Variants in ZNF831 observed in about 807,000 individuals in gnomAD.
ZNF831 encodes the protein zinc finger protein 831, also known as chromosome 20 open reading frame 174.
ZNF831 carries 59 observed loss-of-function variants against 95.8 expected under a neutral mutation model. The observed-to-expected ratio is 0.62, with a 90% CI of 0.50 to 0.77. The LOEUF (loss-of-function observed/expected upper bound fraction) is 0.77. Among genes scored for constraint, ZNF831 ranks in the 30% least tolerant of loss-of-function variants. The pLI is 0.00. For missense variants in ZNF831, 2,205 were observed against 2,164.0 expected, an observed-to-expected ratio of 1.02 and a Z score of -0.38; for synonymous variants, 961 against 925.5, an observed-to-expected ratio of 1.04 and a Z score of -0.70.
chr20:59,253,437 G>GC (rs1028301560), intron 5 of ZNF831, among the ~76,000 whole-genome samples: 8 of 151,974 alleles, frequency 5.3e-5, no homozygotes, highest in African/African-American at 1.7e-4. Flanking sequence ...GCAACATGAA[G>GC]CCCCCCCAGA....
At chr20:59,138,989 A>G (rs1347520478) in intron 1 of ZNF831, among the ~76,000 whole-genome samples, 1 of 150,178 alleles carries the variant, frequency 6.7e-6, no homozygotes, top group Non-Finnish European at 1.5e-5. Context: ...CCCCAGAGCC[A>G]CTTTCAATTC....
chr20:59,185,544 C>T (rs1487309089), intron 1 of ZNF831, among the ~76,000 whole-genome samples: 5 of 152,078 alleles, frequency 3.3e-5, no homozygotes, highest in Non-Finnish European at 7.3e-5. Context: ...ACTGAGACAC[C>T]CCTCGGGTGA....
At position 59,191,621 on chromosome 20, in the gene ZNF831, G is replaced by T. The variant is rs2146550722; in HGVS notation, c.602G>T (p.Arg201Leu). 1.3e-6 allele frequency: 2 copies of T among 1,586,864 alleles called. No homozygotes were observed. Among genetic ancestry groups the T allele is most frequent in the South Asian group, 1.1e-5 (1 of 87,168 alleles). Residue 201 changes from arginine to leucine, a missense_variant, in exon 2 of 6, where the codon CGG (arginine) becomes CTG (leucine). Arg to Leu is a moderately radical substitution (Grantham distance 102, BLOSUM62 -2). Transcript: ENST00000371030. ...RRTQTHLNNS[R>L]LSSESEGAGG... ...ACGCAGACGCACCTCAACAACTCCC[G>T]GCTGTCCTCAGAGTCCGAGGGCGCC...
chr20:59,249,712 A>G (rs1330566518), intron 4 of ZNF831, among the ~76,000 whole-genome samples: 3 of 152,170 alleles, frequency 2.0e-5, no homozygotes, highest in African/African-American at 7.2e-5. Context: ...GGATTTTCAA[A>G]GTTGATTTGC....
intron 1 of ZNF831, among the ~76,000 whole-genome samples, chr20:59,176,791 G>C (rs1817964569): frequency 6.6e-6 from 1 of 152,134 alleles, no homozygotes; most frequent in Non-Finnish European, 1.5e-5. Context: ...CACTGCATCT[G>C]TTTGCTATTT....
Position 59,202,846 on chromosome 20 carries a change from G to A in ZNF831, c.3876-4059G>A, listed in dbSNP as rs1984629106. Among the ~76,000 whole-genome samples the A allele has an allele frequency of 2.0e-5, 3 of 152,130 alleles. No individual in the cohort carries two copies. The South Asian group carries it at 6.2e-4, about 32-fold the overall frequency. On this transcript the variant is annotated intron_variant, in intron 3 of 5. Transcript: ENST00000371030. The stretch of plus-strand genomic sequence containing the variant: ...CTTTTCCAGGGCGCAGCTCTCACTT[G>A]GTTTTTGCCTTTGAACTATTTCTTA...
intron 1 of ZNF831, among the ~76,000 whole-genome samples, chr20:59,186,366 A>G (rs957861375): frequency 1.3e-5 from 2 of 152,176 alleles, no homozygotes; most frequent in African/African-American, 2.4e-5. Flanking sequence ...CAAGGGTAGG[A>G]GGAAGACAGG....
intron 4 of ZNF831, among the ~76,000 whole-genome samples, chr20:59,225,846 C>A (rs1211738617): frequency 6.6e-6 from 1 of 152,130 alleles, no homozygotes; most frequent in Non-Finnish European, 1.5e-5. Flanking sequence ...TAAAACCCAG[C>A]TCAAAAAGGT....
chr20:59,218,842 C>T (rs148493882), intron 4 of ZNF831, among the ~76,000 whole-genome samples: 1,777 of 151,914 alleles, frequency 0.012, 32 homozygotes, highest in Middle Eastern at 0.058. Flanking sequence ...GTGAAACCCC[C>T]TCTCTACTAA....
chr20:59,210,139 G>C (rs750747545), intron 4 of ZNF831, among the ~76,000 whole-genome samples: 2 of 152,184 alleles, frequency 1.3e-5, no homozygotes, highest in Non-Finnish European at 2.9e-5. Context: ...CGGACACTCA[G>C]TGCACAATAA....
intron 4 of ZNF831, among the ~76,000 whole-genome samples, chr20:59,226,050 T>C (rs940578469): frequency 3.9e-5 from 6 of 152,126 alleles, no homozygotes; most frequent in African/African-American, 1.4e-4. Flanking sequence ...ATACCTACTT[T>C]CTGTTCAAAA....
intron 4 of ZNF831, among the ~76,000 whole-genome samples, chr20:59,223,121 A>G (rs1397300676): frequency 9.2e-5 from 14 of 152,120 alleles, no homozygotes; most frequent in Admixed American, 8.5e-4. Flanking sequence ...GGAGGCAGGA[A>G]GGGGGCCTTG....
At chr20:59,212,888 T>C (rs773775723) in intron 4 of ZNF831, among the ~76,000 whole-genome samples, 1 of 152,226 alleles carries the variant, frequency 6.6e-6, no homozygotes, top group Non-Finnish European at 1.5e-5. Context: ...ATCATGGAAA[T>C]TGATTGCTAA....
At chr20:59,232,488 C>T (rs1023806935) in intron 4 of ZNF831, among the ~76,000 whole-genome samples, 3 of 148,890 alleles carry the variant, frequency 2.0e-5, no homozygotes, top group Non-Finnish European at 4.5e-5. Flanking sequence ...CAGAGTCCGC[C>T]TCAGCCCTGG....
chr20:59,226,150 AG>A (rs1381976595), intron 4 of ZNF831, among the ~76,000 whole-genome samples: 5 of 152,162 alleles, frequency 3.3e-5, no homozygotes, highest in African/African-American at 9.7e-5. Flanking sequence ...GATGAAAAGG[AG>A]TGGTCATAAG....
At position 59,193,708 on chromosome 20, in the gene ZNF831, G is replaced by A. The variant is rs565254151; in HGVS notation, c.2689G>A (p.Val897Met). 2 of 1,612,748 alleles carry A rather than the reference G, an allele frequency of 1.2e-6. No homozygotes were observed. Among genetic ancestry groups the A allele is most frequent in the East Asian group, 2.2e-5 (1 of 44,870 alleles). Residue 897 changes from valine to methionine, a missense_variant, in exon 2 of 6, where the codon GTG (valine) becomes ATG (methionine). Physicochemically the swap from Val to Met is conservative, Grantham distance 21. Coordinates refer to ENST00000371030, the MANE Select transcript of ZNF831 (RefSeq NM_178457.3). ...LAAASVALKR[V>M]GPRDKATPLH... The stretch of plus-strand genomic sequence containing the variant: ...TGCTGCTTCTGTTGCCCTGAAGAGG[G>A]TGGGGCCAAGGGACAAGGCTACCCC...
At chr20:59,241,605 T>G (rs1484658549) in intron 4 of ZNF831, among the ~76,000 whole-genome samples, 1 of 152,244 alleles carries the variant, frequency 6.6e-6, no homozygotes, top group African/African-American at 2.4e-5. Context: ...AAAGCGTAGA[T>G]TCTTGAGTAA....
At chr20:59,235,761 G>A (rs913242365) in intron 4 of ZNF831, among the ~76,000 whole-genome samples, 8 of 151,910 alleles carry the variant, frequency 5.3e-5, no homozygotes, top group Non-Finnish European at 1.0e-4. Flanking sequence ...GTACTATTTC[G>A]TCAACTTCCA....
intron 1 of ZNF831, among the ~76,000 whole-genome samples, chr20:59,172,201 C>T (rs1981802249): frequency 6.6e-6 from 1 of 152,188 alleles, no homozygotes; most frequent in South Asian, 2.1e-4. Context: ...ACTGACTGGT[C>T]TTTCCCTCCG....
Sources: gnomAD v4.1 joint callset for allele counts (sites outside exome capture counted in the v4.1 genomes callset) on GRCh38, gnomAD v4.1.1 for gene constraint, MANE v1.5 for transcripts, NCBI Gene and HGNC (gene_info 2026-07-23, HGNC 2026-07-21) for gene names.